Variants in IL1RAPL1 observed in about 807,000 individuals in gnomAD.
IL1RAPL1 encodes the protein interleukin-1 receptor accessory protein-like 1.
A neutral mutation model predicts 48.4 loss-of-function variants in IL1RAPL1; 3 were observed. The ratio of observed to expected loss-of-function variants is 0.06; its 90% CI spans 0.03 to 0.16. The LOEUF is 0.16. Among genes scored for constraint, IL1RAPL1 ranks in the 10% least tolerant of loss-of-function variants. IL1RAPL1 has a pLI of 1.00. For synonymous variants in IL1RAPL1, 185 were observed against 187.7 expected (o/e 0.99, Z 0.12); for missense variants, 349 against 530.6 (o/e 0.66, Z 3.36).
At chrX:29,942,768 C>T (rs1933152553) in intron 9 of IL1RAPL1, among the ~76,000 whole-genome samples, 2 of 109,381 alleles carry the variant, frequency 1.8e-5, no homozygotes, top group African/African-American at 6.7e-5. Flanking sequence ...TACAGGCGCC[C>T]GTCATCACAC....
chrX:29,164,069 T>C (rs1929738880), intron 2 of IL1RAPL1, among the ~76,000 whole-genome samples: 1 of 111,867 alleles, frequency 8.9e-6, no homozygotes, highest in Admixed American at 9.6e-5. Context: ...TCTGAAATGT[T>C]TGAAGCATAA....
At chrX:28,721,915 A>C (rs1461575610) in intron 1 of IL1RAPL1, among the ~76,000 whole-genome samples, 6 of 109,952 alleles carry the variant, frequency 5.5e-5, no homozygotes, top group Non-Finnish European at 5.7e-5. Context: ...AGATGTGTGG[A>C]ATTATTTCTG....
intron 5 of IL1RAPL1, among the ~76,000 whole-genome samples, chrX:29,436,553 C>CT (rs1005661210): frequency 4.6e-5 from 5 of 108,088 alleles, no homozygotes; most frequent in Middle Eastern, 4.7e-3. Flanking sequence ...CTCCCCCGCC[C>CT]TTTTTTTTTG....
intron 2 of IL1RAPL1, among the ~76,000 whole-genome samples, chrX:28,875,881 T>C (rs1466064560): frequency 9.0e-6 from 1 of 111,723 alleles, no homozygotes; most frequent in Non-Finnish European, 1.9e-5. Context: ...TTGGCTCCTA[T>C]TTTCAATGTT....
At chrX:29,358,413 C>T (rs1415263025) in intron 3 of IL1RAPL1, among the ~76,000 whole-genome samples, 4 of 109,943 alleles carry the variant, frequency 3.6e-5, no homozygotes, top group East Asian at 2.9e-4. Flanking sequence ...ACCCACCCCC[C>T]GCCACACACA....
intron 2 of IL1RAPL1, among the ~76,000 whole-genome samples, chrX:29,186,141 A>C (rs1022762760): frequency 6.2e-5 from 7 of 112,162 alleles, no homozygotes; most frequent in Non-Finnish European, 1.3e-4. Flanking sequence ...TTATTCATAA[A>C]AATTATGACA....
intron 2 of IL1RAPL1, among the ~76,000 whole-genome samples, chrX:28,889,757 G>A (rs929495995): frequency 1.8e-5 from 2 of 110,901 alleles, no homozygotes; most frequent in African/African-American, 6.5e-5. Context: ...TCTAAAGGAG[G>A]CATTGTAAGG....
chrX:29,752,103 T>TACAC (rs1193856797), intron 6 of IL1RAPL1, among the ~76,000 whole-genome samples: 2 of 96,398 alleles, frequency 2.1e-5, no homozygotes, highest in Non-Finnish European at 4.0e-5. Flanking sequence ...TATATATATA[T>TACAC]ACACACATAT....
At chrX:28,609,279 CA>C (rs1441056909) in intron 1 of IL1RAPL1, among the ~76,000 whole-genome samples, 9 of 111,222 alleles carry the variant, frequency 8.1e-5, no homozygotes, top group African/African-American at 2.9e-4. Flanking sequence ...TTTGATTATA[CA>C]TTTTCCCTTT....
At chrX:29,459,724 A>G (rs1481420665) in intron 5 of IL1RAPL1, among the ~76,000 whole-genome samples, 1 of 112,018 alleles carries the variant, frequency 8.9e-6, no homozygotes, top group Non-Finnish European at 1.9e-5. Context: ...AAATCTAGAT[A>G]ATTAACATAA....
intron 5 of IL1RAPL1, among the ~76,000 whole-genome samples, chrX:29,418,090 AATATATATATATATATATATAT>A (rs1184407912): frequency 1.6e-4 from 8 of 51,067 alleles, no homozygotes; most frequent in Non-Finnish European, 2.6e-4. Context: ...TTAAAAAAGT[AATATATATATATATATATATAT>A]ATATATATAT....
chrX:29,917,574 C>A lies in IL1RAPL1; in HGVS notation c.889C>A (p.Arg297=). The change falls in exon 7 of 11, where the codon CGA becomes AGA. Residue 297 remains arginine, a synonymous_variant. Coordinates refer to ENST00000378993, the MANE Select transcript of IL1RAPL1 (RefSeq NM_014271.4). ...ATTTATTGAAGATCTGGATGAAAAT[C>A]GAGTTTGGGAAAGTGACATTAGGTA... is the stretch of plus-strand genomic sequence containing the variant. ...EKFIEDLDEN[R]VWESDIRILK... The A allele has an allele frequency of 8.3e-7, 1 of 1,208,143 alleles. No individual in the cohort carries two copies. The highest frequency in any genetic ancestry group is 1.1e-6 in the Non-Finnish European group (1 of 892,828).
intron 2 of IL1RAPL1, among the ~76,000 whole-genome samples, chrX:28,919,660 A>T (rs1465718875): frequency 8.9e-6 from 1 of 112,004 alleles, no homozygotes; most frequent in Non-Finnish European, 1.9e-5. Flanking sequence ...GTTGTTGGTT[A>T]TGTAAAGCCA....
intron 1 of IL1RAPL1, among the ~76,000 whole-genome samples, chrX:28,771,937 CAAAAAA>C (rs5901904): frequency 1.2e-4 from 5 of 41,987 alleles, no homozygotes; most frequent in Middle Eastern, 0.017. Flanking sequence ...GACTCCGTCT[CAAAAAA>C]AAAAAAAAAA....
intron 1 of IL1RAPL1, among the ~76,000 whole-genome samples, chrX:28,677,816 G>A (rs1935015355): frequency 9.0e-6 from 1 of 111,151 alleles, no homozygotes; most frequent in Non-Finnish European, 1.9e-5. Flanking sequence ...TCGAACTCCT[G>A]ACCTCAGGTG....
chrX:29,470,109 G>A (rs1192450186), intron 5 of IL1RAPL1, among the ~76,000 whole-genome samples: 1 of 112,293 alleles, frequency 8.9e-6, no homozygotes, highest in East Asian at 2.8e-4. Flanking sequence ...CCCAAGTAAT[G>A]TTTTATTCTG....
chrX:29,730,897 A>C (rs1230553726), intron 6 of IL1RAPL1, among the ~76,000 whole-genome samples: 2 of 112,015 alleles, frequency 1.8e-5, no homozygotes, highest in African/African-American at 6.5e-5. Flanking sequence ...TAGCTCAGTG[A>C]CTGTTCTGCA....
At chrX:29,430,955 A>C (rs762337119) in intron 5 of IL1RAPL1, among the ~76,000 whole-genome samples, 16 of 111,139 alleles carry the variant, frequency 1.4e-4, no homozygotes, top group Non-Finnish European at 3.0e-4. Flanking sequence ...CTAGGGTGCG[A>C]ATTCTAGCAA....
intron 2 of IL1RAPL1, among the ~76,000 whole-genome samples, chrX:28,843,782 C>G (rs186458888): frequency 9.0e-6 from 1 of 111,123 alleles, no homozygotes; most frequent in East Asian, 2.9e-4. Flanking sequence ...CTTAACTTTG[C>G]TTGGTGGCAA....
Sources: gnomAD v4.1 joint callset for allele counts (sites outside exome capture counted in the v4.1 genomes callset) on GRCh38, gnomAD v4.1.1 for gene constraint, MANE v1.5 for transcripts, NCBI Gene and HGNC (gene_info 2026-07-23, HGNC 2026-07-21) for gene names.